Variants in CORO7 observed in about 807,000 individuals in gnomAD.
CORO7 encodes the protein coronin 7, also known as coronin-7.
Under a neutral mutation model 126.6 loss-of-function variants are expected in CORO7, and 107 were observed. The ratio of observed to expected loss-of-function variants is 0.85; its 90% CI spans 0.72 to 0.99. The LOEUF (loss-of-function observed/expected upper bound fraction) is 0.99, where lower values mean the gene tolerates loss of function less well. Among genes scored for constraint, CORO7 ranks in the 50% least tolerant of loss-of-function variants. The probability of loss-of-function intolerance (pLI) is 0.00; values close to 1 mark genes in which losing one functional copy is unlikely to be tolerated. For synonymous variants in CORO7, 603 were observed against 536.8 expected (o/e 1.12, Z -1.70); for missense variants, 1,314 against 1,255.8 (o/e 1.05, Z -0.70).
chr16:4,362,142 C>G lies in CORO7; in HGVS notation c.1421G>C (p.Arg474Pro), dbSNP rs369054432. 59 of 1,607,210 alleles carry G rather than the reference C, an allele frequency of 3.7e-5. No homozygotes were observed. The highest frequency in any genetic ancestry group is 5.0e-5 in the Non-Finnish European group (59 of 1,178,006). ...QSLLGPSSKF[R>P]HAQGTVLHRD... is the part of the protein sequence containing the mutation. Reference sequence around the variant, plus strand: ...GTGCAGGACAGTGCCCTGAGCATGGCGGAACTTGGAACTGGGGCCTGGCAG... The same window carrying G: ...GTGCAGGACAGTGCCCTGAGCATGGGGGAACTTGGAACTGGGGCCTGGCAG... Residue 474 changes from arginine to proline, a missense_variant, in exon 16 of 28, where the codon CGC (arginine) becomes CCC (proline). Transcript: ENST00000251166. The surrounding 1 kb of genome is among the most constrained non-coding windows in gnomAD (Gnocchi z 5.3).
At chr16:4,403,271 C>T (rs554857380) in intron 6 of CORO7, among the ~76,000 whole-genome samples, 23 of 152,324 alleles carry the variant, frequency 1.5e-4, no homozygotes, top group African/African-American at 5.5e-4. Context: ...GGCCGCCCCC[C>T]ACTCCCGGCT....
rs150555307 is a variant in CORO7 at position 4,382,218 on chromosome 16, G to A, written c.785+5768C>T. The A allele has an allele frequency of 4.8e-5, 77 of 1,604,726 alleles. No homozygotes were observed. In the African/African-American group the frequency reaches 8.4e-4, roughly 18 times the overall value. On this transcript the variant is annotated intron_variant, in intron 9 of 27. Coordinates refer to ENST00000251166, the MANE Select transcript of CORO7 (RefSeq NM_024535.5). Reference sequence around the variant, plus strand: ...TGTACTGTGAGAGCCAGATGGGGCAGGGGACACGGCCCAGCCCTACACCAG... The same window carrying A: ...TGTACTGTGAGAGCCAGATGGGGCAAGGGACACGGCCCAGCCCTACACCAG...
chr16:4,359,321 C>T lies in CORO7; in HGVS notation c.2315G>A (p.Ser772Asn), dbSNP rs2054083471. 1.9e-6 allele frequency: 3 copies of T among 1,611,284 alleles called. No individual in the cohort carries two copies. Among genetic ancestry groups the T allele is most frequent in the Non-Finnish European group, 2.5e-6 (3 of 1,179,176 alleles). The change falls in exon 23 of 28, where the codon AGC (serine) becomes AAC (asparagine). Residue 772 changes from serine (S) to asparagine (N), a missense_variant. Ser to Asn is a conservative substitution (Grantham distance 46). Transcript: ENST00000251166. ...PESPFFLECN[S>N]FTSPDPHKGL... Reference sequence around the variant, plus strand: ...CTTGTGGGGGTCAGGCGACGTGAAGCTGTTGCACTCCAGGAAGAAAGGGGA... The same window carrying T: ...CTTGTGGGGGTCAGGCGACGTGAAGTTGTTGCACTCCAGGAAGAAAGGGGA...
intron 9 of CORO7, among the ~76,000 whole-genome samples, chr16:4,372,891 G>C (rs1000535008): frequency 6.6e-6 from 1 of 152,194 alleles, no homozygotes; most frequent in Non-Finnish European, 1.5e-5. Flanking sequence ...TTGCACCAAG[G>C]ACAGGTGAGG....
rs75512695 is a variant in CORO7 at position 4,388,082 on chromosome 16, G to A, written c.703-14C>T. On this transcript the variant is annotated splice_polypyrimidine_tract_variant and intron_variant, in intron 8 of 27. Coordinates refer to ENST00000251166, the MANE Select transcript of CORO7 (RefSeq NM_024535.5). ...GCGCTCACGCATCTGCAGGGAGGGC[G>A]AGAGAGGGGCTCAGAGGGGCCTGTC... 1.1e-4 allele frequency: 172 copies of A among 1,608,026 alleles called. No individual in the cohort carries two copies. In the East Asian group the frequency reaches 3.2e-3, roughly 30 times the overall value.
chr16:4,388,582 C>T lies in CORO7; in HGVS notation c.665G>A (p.Gly222Asp), dbSNP rs2055277119. 3 of 1,613,022 alleles carry T rather than the reference C, an allele frequency of 1.9e-6. No individual in the cohort carries two copies. Among genetic ancestry groups the T allele is most frequent in the African/African-American group, 1.3e-5 (1 of 74,942 alleles). The change falls in exon 8 of 28, where the codon GGC becomes GAC. Residue 222 changes from glycine (G) to aspartate (D), a missense_variant. Gly to Asp is a moderately conservative substitution (Grantham distance 94, BLOSUM62 -1). Coordinates refer to ENST00000251166, the MANE Select transcript of CORO7 (RefSeq NM_024535.5). ...NSRDSRLAWMGTWEHLVSTGF... is the reference protein window; with the variant it reads ...NSRDSRLAWMDTWEHLVSTGF... ...AGTAGACACAAGGTGCTCCCAGGTG[C>T]CCATCCATGCCAGCCGGCTATCCCT...
In CORO7 at chr16:4,388,005, T is replaced by C; in HGVS notation, c.766A>G (p.Thr256Ala). The C allele has an allele frequency of 6.2e-7, 1 of 1,612,942 alleles. No individual in the cohort carries two copies. The highest frequency in any genetic ancestry group is 8.5e-7 in the Non-Finnish European group (1 of 1,179,868). Residue 256 changes from threonine to alanine, a missense_variant, in exon 9 of 28, where the codon ACC becomes GCC. Physicochemically the swap from Thr to Ala is moderately conservative, Grantham distance 58 (BLOSUM62 0). Coordinates refer to ENST00000251166, the MANE Select transcript of CORO7 (RefSeq NM_024535.5). The part of the protein sequence containing the change: ...RFFSSALASL[T>A]LDTSLGCLVP... ...TCCTACCCAAGCGAGGTGTCCAAGG[T>C]GAGGGAGGCCAGGGCGCTGGAGAAG...
intron 9 of CORO7, among the ~76,000 whole-genome samples, chr16:4,369,252 T>A (rs951707737): frequency 9.9e-5 from 15 of 152,216 alleles, no homozygotes; most frequent in African/African-American, 2.9e-4. Flanking sequence ...GGCCAAGAAA[T>A]GGGGTCATGG....
chr16:4,365,601 G>T (rs2054324686), intron 9 of CORO7, 56 bp from the exon 10 acceptor site: 1 of 1,549,050 alleles, frequency 6.5e-7, no homozygotes, highest in Non-Finnish European at 8.7e-7. Context: ...TGCCAGACTC[G>T]TAACCCCATG....
rs570019491 is a variant in CORO7 at position 4,365,204 on chromosome 16, C to T, written c.841-144G>A. 6.0e-4 allele frequency: 820 copies of T among 1,357,708 alleles called. 11 individuals are homozygous for T. In the South Asian group the frequency reaches 9.1e-3, roughly 15 times the overall value. 84.1% of individuals were successfully genotyped at this position (1,357,708 alleles called of 1,614,324 possible). A position where few individuals can be genotyped will look rare whatever the true frequency, so the allele number is the denominator to read the frequency against. On this transcript the variant is annotated intron_variant, in intron 10 of 27. Transcript: ENST00000251166. ...AGATGGGGCTCCCCAACATGCTGGG[C>T]GCTGAGCTGAGCCCTAGGCTGACTA...
At chr16:4,379,814 G>A (rs1471189473) in intron 9 of CORO7, among the ~76,000 whole-genome samples, 9 of 151,014 alleles carry the variant, frequency 6.0e-5, no homozygotes, top group South Asian at 2.1e-4. Flanking sequence ...AGGCTGAGGC[G>A]GGCAGATCAC....
At chr16:4,359,692 C>A (rs1596270415) in intron 21 of CORO7, 71 bp from the exon 22 acceptor site, 1 of 1,517,524 alleles carries the variant, frequency 6.6e-7, no homozygotes, top group East Asian at 2.3e-5. Flanking sequence ...AGAAGGCGCC[C>A]ACGTAGCCCC....
intron 7 of CORO7, among the ~76,000 whole-genome samples, chr16:4,391,609 TAGTCCCAGCTACC>T (rs901684132): frequency 6.6e-6 from 1 of 152,158 alleles, no homozygotes; most frequent in African/African-American, 2.4e-5. Context: ...TGCGTGCCTG[TAGTCCCAGCTACC>T]AGGGAGGCTG....
At chr16:4,395,409 C>T (rs1292099602) in intron 6 of CORO7, 70 bp from the exon 7 acceptor site, 2 of 1,601,158 alleles carry the variant, frequency 1.2e-6, no homozygotes, top group African/African-American at 1.3e-5. Context: ...AGCCTGCTCC[C>T]CTCACCTCCC....
chr16:4,402,327 C>T (rs1017352544), intron 6 of CORO7, among the ~76,000 whole-genome samples: 51 of 152,246 alleles, frequency 3.3e-4, no homozygotes, highest in Middle Eastern at 3.4e-3. Flanking sequence ...TCAATCCGAG[C>T]TCACTTCAGC....
chr16:4,363,709 TCAAAAA>T (rs528292120), intron 14 of CORO7, among the ~76,000 whole-genome samples: 2 of 149,948 alleles, frequency 1.3e-5, no homozygotes, highest in African/African-American at 2.5e-5. Context: ...GAGACTCATC[TCAAAAA>T]CAAAAACAAA....
intron 6 of CORO7, among the ~76,000 whole-genome samples, chr16:4,403,321 G>A (rs1438220869): frequency 6.6e-6 from 1 of 152,174 alleles, no homozygotes; most frequent in Non-Finnish European, 1.5e-5. Flanking sequence ...GCCCCCACCA[G>A]GACCCCGATG....
intron 14 of CORO7, among the ~76,000 whole-genome samples, chr16:4,363,976 A>G (rs1327079816): frequency 6.6e-6 from 1 of 152,064 alleles, no homozygotes; most frequent in Non-Finnish European, 1.5e-5. Context: ...CCGAGATCAC[A>G]CCATTGTACT....
intron 3 of CORO7, among the ~76,000 whole-genome samples, chr16:4,411,941 C>G (rs1337505101): frequency 1.3e-5 from 2 of 152,004 alleles, no homozygotes; most frequent in Non-Finnish European, 2.9e-5. Context: ...CCCATCTCCA[C>G]CCCTGCAGCC....
Sources: gnomAD v4.1 joint callset for allele counts (sites outside exome capture counted in the v4.1 genomes callset) on GRCh38, gnomAD v4.1.1 for gene constraint, Gnocchi (gnomAD v3.1) non-coding constraint, MANE v1.5 for transcripts, NCBI Gene and HGNC (gene_info 2026-07-23, HGNC 2026-07-21) for gene names.